The following ALDH1L2 variants were observed in gnomAD, a reference collection of about 807,000 sequenced individuals.
ALDH1L2 encodes aldehyde dehydrogenase 1 family member L2.
A neutral mutation model predicts 111.0 loss-of-function variants in ALDH1L2; 91 were observed. The observed-to-expected ratio is 0.82, with a 90% CI of 0.69 to 0.98. The LOEUF is 0.98. Among genes scored for constraint, ALDH1L2 ranks in the 50% least tolerant of loss-of-function variants. The pLI is 0.00. For missense variants in ALDH1L2, 995 were observed against 1,126.8 expected, an observed-to-expected ratio of 0.88 and a Z score of 1.67; for synonymous variants, 374 against 392.6, an observed-to-expected ratio of 0.95 and a Z score of 0.56.
At chr12:105,057,975 G>A (rs1876738129) in intron 10 of ALDH1L2, 98 bp downstream of exon 10, 1 of 1,343,524 alleles carries the variant, frequency 7.4e-7, no homozygotes, top group Non-Finnish European at 9.8e-7. Context: ...GTTTTTTAAA[G>A]GTCATAAATA....
intron 16 of ALDH1L2, among the ~76,000 whole-genome samples, chr12:105,040,269 GA>G (rs1000870318): frequency 6.6e-6 from 1 of 151,468 alleles, no homozygotes; most frequent in African/African-American, 2.4e-5. Flanking sequence ...ATAAAAGTCT[GA>G]AATAATACCC....
chr12:105,034,574 A>AT (rs1874878256), intron 18 of ALDH1L2, among the ~76,000 whole-genome samples, 176 bp from the exon 19 acceptor site: 1 of 152,166 alleles, frequency 6.6e-6, no homozygotes. Flanking sequence ...CTCTGTTTTG[A>AT]TTTAGCATGA....
At chr12:105,044,757 G>A (rs1875741393) in intron 15 of ALDH1L2, among the ~76,000 whole-genome samples, 2 of 151,656 alleles carry the variant, frequency 1.3e-5, no homozygotes, top group African/African-American at 4.8e-5. Context: ...TACTTACAAG[G>A]TTTATAAGGT....
intron 18 of ALDH1L2, among the ~76,000 whole-genome samples, chr12:105,034,983 C>A (rs1015102453): frequency 7.1e-6 from 1 of 139,880 alleles, no homozygotes; most frequent in Non-Finnish European, 1.5e-5. Context: ...GATTCCATCT[C>A]ATAAATAAAT....
At chr12:105,080,272 A>G (rs73393881) in intron 1 of ALDH1L2, among the ~76,000 whole-genome samples, 3,392 of 152,270 alleles carry the variant, frequency 0.022, 86 homozygotes, top group African/African-American at 0.055. Flanking sequence ...AATATCGTCA[A>G]ATTTATGATT....
intron 13 of ALDH1L2, chr12:105,047,569 G>A (rs923019382): frequency 6.5e-6 from 1 of 153,086 alleles, no homozygotes; most frequent in African/African-American, 2.4e-5. Flanking sequence ...TCACATACTA[G>A]TCCTAACTGC....
At chr12:105,038,047 G>A (rs1047381347) in intron 18 of ALDH1L2, 56 bp downstream of exon 18, 57 of 1,466,398 alleles carry the variant, frequency 3.9e-5, no homozygotes, top group South Asian at 4.6e-5. Context: ...GATTACAGGC[G>A]TGAGCCACCT....
At position 105,052,197 on chromosome 12, in the gene ALDH1L2, G is replaced by C. The variant is rs557211630; in HGVS notation, c.1428C>G (p.Tyr476Ter). The change falls in exon 12 of 23, where the codon TAC (tyrosine) becomes TAG (stop). Residue 476 changes from tyrosine (Y) to a stop codon, truncating the protein, a stop_gained. Coordinates refer to ENST00000258494, the MANE Select transcript of ALDH1L2 (RefSeq NM_001034173.4). LOFTEE classifies it high-confidence loss of function. Reference sequence around the variant, plus strand: ...CTTTATCAACATCCGCCAAAGAAGCGTAGGATACTTTGCATATTGTCTATT... The same window carrying C: ...CTTTATCAACATCCGCCAAAGAAGCCTAGGATACTTTGCATATTGTCTATT... ...TDGSTICKVS[Y>*]ASLADVDKAV... The C allele has an allele frequency of 4.4e-6, 7 of 1,606,396 alleles. No individual in the cohort carries two copies. In the East Asian group the frequency reaches 6.7e-5, roughly 15 times the overall value.
At chr12:105,061,806 AGT>A in intron 7 of ALDH1L2, 54 bp from the exon 8 acceptor site, 1 of 1,608,552 alleles carries the variant, frequency 6.2e-7, no homozygotes, top group Non-Finnish European at 8.5e-7. Flanking sequence ...ACAATACAAA[AGT>A]GAGGCTGGTG....
chr12:105,029,815 C>T (rs996917772), intron 21 of ALDH1L2, among the ~76,000 whole-genome samples: 5 of 151,988 alleles, frequency 3.3e-5, no homozygotes, highest in African/African-American at 9.7e-5. Context: ...TGGACCTCTT[C>T]GATAAGCTGA....
chr12:105,048,270 G>C (rs1202251793), intron 13 of ALDH1L2: 1 of 152,208 alleles, frequency 6.6e-6, no homozygotes, highest in East Asian at 1.9e-4. Context: ...AAGGTTCTGA[G>C]AGAGAAAATA....
At chr12:105,039,587 A>G in intron 17 of ALDH1L2, 126 bp downstream of exon 17, 2 of 684,540 alleles carry the variant, frequency 2.9e-6, no homozygotes, top group Non-Finnish European at 5.2e-6. Flanking sequence ...AATACTCAGC[A>G]GTGATAAGTA....
At chr12:105,073,670 A>G in intron 2 of ALDH1L2, 191 bp downstream of exon 2, 1 of 697,388 alleles carries the variant, frequency 1.4e-6, no homozygotes, top group Non-Finnish European at 2.3e-6. Flanking sequence ...CCAATGGGAT[A>G]CAAGTGGGAG....
chr12:105,065,410 C>A, intron 5 of ALDH1L2, 54 bp from the exon 6 acceptor site: 1 of 1,446,876 alleles, frequency 6.9e-7, no homozygotes. Flanking sequence ...ACCTCAAAGG[C>A]AATAAAAACG....
At chr12:105,028,267 C>T (rs1366197880) in intron 21 of ALDH1L2, among the ~76,000 whole-genome samples, 3 of 152,184 alleles carry the variant, frequency 2.0e-5, no homozygotes, top group Non-Finnish European at 2.9e-5. Context: ...CATGCCACCA[C>T]ACCCAGATAA....
At chr12:105,045,997 A>G (rs2136067714) in intron 15 of ALDH1L2, among the ~76,000 whole-genome samples, 1 of 151,870 alleles carries the variant, frequency 6.6e-6, no homozygotes, top group East Asian at 1.9e-4. Context: ...CTTGGCTGCC[A>G]TATTTTTTTC....
At chr12:105,070,539 A>C (rs78213979) in intron 3 of ALDH1L2, 31 bp downstream of exon 3, 2 of 778,220 alleles carry the variant, frequency 2.6e-6, no homozygotes, top group Non-Finnish European at 3.6e-6. Context: ...ACCCCATCTC[A>C]AAAAAAAAAA....
chr12:105,061,159 C>G (rs1043249325), intron 8 of ALDH1L2, 87 bp from the exon 9 acceptor site: 1 of 1,127,162 alleles, frequency 8.9e-7, no homozygotes. Flanking sequence ...AACCAATTCC[C>G]TCTTCATCTT....
intron 10 of ALDH1L2, among the ~76,000 whole-genome samples, chr12:105,056,425 A>G (rs1876634877): frequency 6.6e-6 from 1 of 152,190 alleles, no homozygotes; most frequent in South Asian, 2.1e-4. Flanking sequence ...TCAAGTTGAA[A>G]TGAAAGAACA....
Sources: gnomAD v4.1 joint callset for allele counts (sites outside exome capture counted in the v4.1 genomes callset) on GRCh38, gnomAD v4.1.1 for gene constraint, MANE v1.5 for transcripts, NCBI Gene and HGNC (gene_info 2026-07-23, HGNC 2026-07-21) for gene names.